Variants in OOEP observed in about 807,000 individuals in gnomAD.
OOEP encodes the protein oocyte-expressed protein homolog.
Under a neutral mutation model 13.7 loss-of-function variants are expected in OOEP, and 16 were observed. The ratio of observed to expected loss-of-function variants is 1.16; its 90% CI spans 0.79 to 1.77. The LOEUF (loss-of-function observed/expected upper bound fraction) is 1.77. Among genes scored for constraint, OOEP ranks in the 40% most tolerant of loss-of-function variants. The pLI is 0.00. For synonymous variants in OOEP, 89 were observed against 77.1 expected (o/e 1.15, Z -0.81); for missense variants, 195 against 193.1 (o/e 1.01, Z -0.06).
In OOEP at chr6:73,392,776, C is replaced by T. The variant is rs188885294; in HGVS notation, c.25+1570G>A. On this transcript the variant is annotated intron_variant, in intron 2 of 3. Coordinates refer to the OOEP transcript ENST00000370363. ...CCTCCCAAGTAGCTGGGACTACAGGCGCACACCACCACGCCCAGCTAATTT... is the reference window on the plus strand; with the variant it reads ...CCTCCCAAGTAGCTGGGACTACAGGTGCACACCACCACGCCCAGCTAATTT... Among the ~76,000 whole-genome samples, 21 of 151,566 alleles carry T rather than the reference C, an allele frequency of 1.4e-4. No individual in the cohort carries two copies. In the East Asian group the frequency reaches 3.7e-3, roughly 27 times the overall value.
intron 2 of OOEP, among the ~76,000 whole-genome samples, chr6:73,386,518 TTA>T (rs1299218189): frequency 1.3e-5 from 2 of 152,164 alleles, no homozygotes; most frequent in Non-Finnish European, 2.9e-5. Flanking sequence ...CTAAATACTT[TTA>T]CAAGTTTAGT....
Position 73,394,849 on chromosome 6 carries a change from G to A in OOEP, c.-249C>T, listed in dbSNP as rs1769427449. The A allele has an allele frequency of 2.5e-6, 4 of 1,588,334 alleles. No homozygotes were observed. In the Admixed American group the frequency reaches 5.2e-5, roughly 21 times the overall value. Reference sequence around the variant, plus strand: ...TGGCACGCTACTCTTACGACGTCACGGTCAGGTGGTGCAGAGCTGGACGGC... The same window carrying A: ...TGGCACGCTACTCTTACGACGTCACAGTCAGGTGGTGCAGAGCTGGACGGC... On this transcript the variant is annotated 5_prime_UTR_variant, in exon 1 of 4. Coordinates refer to the OOEP transcript ENST00000370363.
upstream of OOEP, among the ~76,000 whole-genome samples, chr6:73,371,692 G>A (rs548833486): frequency 5.3e-5 from 8 of 152,056 alleles, no homozygotes; most frequent in South Asian, 2.1e-4. Flanking sequence ...GGAGGTTGTC[G>A]TGAGCCAAGA....
chr6:73,394,844 G>A (rs1481503751), exon 1 of OOEP: 9 of 1,581,576 alleles, frequency 5.7e-6, no homozygotes, highest in East Asian at 4.5e-5. Context: ...CTCTTACGAC[G>A]TCACGGTCAG....
At chr6:73,375,082 C>T (rs1031581740) in intron 2 of OOEP, among the ~76,000 whole-genome samples, 1 of 152,224 alleles carries the variant, frequency 6.6e-6, no homozygotes, top group African/African-American at 2.4e-5. Flanking sequence ...CCACTTCAGC[C>T]TCCCAAAGTG....
At chr6:73,387,901 C>T (rs1769296664) in intron 2 of OOEP, among the ~76,000 whole-genome samples, 1 of 152,196 alleles carries the variant, frequency 6.6e-6, no homozygotes. Context: ...CAGGGTCTTG[C>T]TCTGTTGCCC....
At chr6:73,380,317 C>T (rs1769188584) in intron 2 of OOEP, among the ~76,000 whole-genome samples, 1 of 151,006 alleles carries the variant, frequency 6.6e-6, no homozygotes, top group Admixed American at 6.6e-5. Flanking sequence ...GTGCAATCTC[C>T]ACTCACTGCA....
intron 2 of OOEP, among the ~76,000 whole-genome samples, chr6:73,393,152 C>G (rs961478865): frequency 6.6e-6 from 1 of 151,722 alleles, no homozygotes; most frequent in Admixed American, 6.6e-5. Flanking sequence ...GCTCTGTTGC[C>G]CAGACTGGAG....
chr6:73,385,190 CA>C (rs912158862), intron 2 of OOEP, among the ~76,000 whole-genome samples: 4 of 151,118 alleles, frequency 2.6e-5, no homozygotes, highest in East Asian at 2.0e-4. Context: ...ACTAAAAATA[CA>C]AAAAAATTAG....
At chr6:73,371,760 A>AAT (rs1769060206), upstream of OOEP, among the ~76,000 whole-genome samples, 1 of 149,290 alleles carries the variant, frequency 6.7e-6, no homozygotes, top group African/African-American at 2.5e-5. Flanking sequence ...CAAAAATAAA[A>AAT]AAAAATAAAA....
upstream of OOEP, chr6:73,373,398 C>T: frequency 1.2e-6 from 1 of 860,868 alleles, no homozygotes; most frequent in Non-Finnish European, 1.9e-6. Flanking sequence ...GATCTCAGCT[C>T]ACTGGGTAGC....
chr6:73,371,681 C>T (rs1296762372), upstream of OOEP, among the ~76,000 whole-genome samples: 4 of 151,592 alleles, frequency 2.6e-5, no homozygotes, highest in Non-Finnish European at 4.4e-5. Context: ...ACCCAGGAGG[C>T]GGAGGTTGTC....
At chr6:73,387,759 T>C (rs1288034082) in intron 2 of OOEP, 2 of 152,000 alleles carry the variant, frequency 1.3e-5, no homozygotes, top group Non-Finnish European at 2.9e-5. Flanking sequence ...GCCTGGCTAA[T>C]TTTTTGTATT....
intron 2 of OOEP, among the ~76,000 whole-genome samples, chr6:73,377,572 A>C (rs917803743): frequency 2.0e-5 from 3 of 152,330 alleles, no homozygotes; most frequent in African/African-American, 7.2e-5. Context: ...TGTGGCCTCA[A>C]AATTAACTCA....
At chr6:73,376,618 G>A (rs543152202) in intron 2 of OOEP, among the ~76,000 whole-genome samples, 46 of 151,842 alleles carry the variant, frequency 3.0e-4, no homozygotes, top group Admixed American at 8.6e-4. Context: ...GATTACAGGC[G>A]CCCACCACCA....
chr6:73,381,809 A>T (rs1368116461), intron 2 of OOEP, among the ~76,000 whole-genome samples: 1 of 152,056 alleles, frequency 6.6e-6, no homozygotes, highest in Non-Finnish European at 1.5e-5. Context: ...GGCGAAACCC[A>T]TGTCTACTAA....
intron 2 of OOEP, chr6:73,390,903 T>TATAATA (rs936991847): frequency 4.0e-5 from 6 of 150,760 alleles, no homozygotes; most frequent in African/African-American, 1.5e-4. Context: ...TGCCTTAAAG[T>TATAATA]ATAATAATAA....
chr6:73,369,659 T>G lies in OOEP; in HGVS notation c.134A>C (p.Glu45Ala), dbSNP rs1259023724. ...RIRPWWFPVQELRDPLVFYLE... is the reference protein window; with the variant it reads ...RIRPWWFPVQALRDPLVFYLE... ...GTAGAACACCAAAGGGTCTCTCAGTTCCTGCACCGGAAACCACCAGGGCCG... is the reference window on the plus strand; with the variant it reads ...GTAGAACACCAAAGGGTCTCTCAGTGCCTGCACCGGAAACCACCAGGGCCG... The change falls in exon 1 of 3, where the codon GAA becomes GCA. Residue 45 changes from glutamate to alanine, a missense_variant. Physicochemically the swap from Glu to Ala is moderately radical, Grantham distance 107 (BLOSUM62 -1). Transcript: ENST00000370359. The G allele has an allele frequency of 6.2e-7, 1 of 1,613,896 alleles. No individual in the cohort carries two copies. The highest frequency in any genetic ancestry group is 8.5e-7 in the Non-Finnish European group (1 of 1,179,882).
intron 2 of OOEP, among the ~76,000 whole-genome samples, chr6:73,390,132 T>A (rs964697959): frequency 6.6e-6 from 1 of 151,066 alleles, no homozygotes; most frequent in Non-Finnish European, 1.5e-5. Context: ...TGAGCCCAGA[T>A]CCCGCCACTG....
Sources: gnomAD v4.1 joint callset for allele counts (sites outside exome capture counted in the v4.1 genomes callset) on GRCh38, gnomAD v4.1.1 for gene constraint, MANE v1.5 for transcripts, NCBI Gene and HGNC (gene_info 2026-07-23, HGNC 2026-07-21) for gene names.